Variants in CCBE1 observed in about 807,000 individuals in gnomAD.
CCBE1 encodes collagen and calcium binding EGF domains 1.
In CCBE1, 37 loss-of-function variants were observed where a neutral mutation model predicts 50.0. That is an observed-to-expected ratio of 0.74 (90% CI 0.57 to 0.97). The LOEUF (loss-of-function observed/expected upper bound fraction) is 0.97, where lower values mean the gene tolerates loss of function less well. CCBE1 is among the 50% of genes least tolerant of loss of function. CCBE1 has a pLI of 0.00. For missense variants in CCBE1, 538 were observed against 523.8 expected (o/e 1.03, Z -0.26); for synonymous variants, 234 against 203.7 (o/e 1.15, Z -1.27).
chr18:59,566,463 A>T (rs1483807820), intron 2 of CCBE1, among the ~76,000 whole-genome samples: 1 of 152,188 alleles, frequency 6.6e-6, no homozygotes, highest in Non-Finnish European at 1.5e-5. Context: ...ATTAAAAGTC[A>T]ACCTAAGATG....
At chr18:59,632,445 T>C (rs896389572) in intron 2 of CCBE1, among the ~76,000 whole-genome samples, 6 of 152,158 alleles carry the variant, frequency 3.9e-5, no homozygotes, top group Admixed American at 6.5e-5. Flanking sequence ...GGCTAATTTT[T>C]GTATTTTTAG....
At chr18:59,483,074 T>A (rs1912653776) in intron 2 of CCBE1, among the ~76,000 whole-genome samples, 1 of 152,118 alleles carries the variant, frequency 6.6e-6, no homozygotes, top group Non-Finnish European at 1.5e-5. Flanking sequence ...GAACACACCA[T>A]TTACACATCA....
chr18:59,494,565 C>A (rs1053615910), intron 2 of CCBE1, among the ~76,000 whole-genome samples: 2 of 151,148 alleles, frequency 1.3e-5, no homozygotes, highest in East Asian at 3.9e-4. Flanking sequence ...GTAGGACTTC[C>A]TAACACACTG....
intron 2 of CCBE1, among the ~76,000 whole-genome samples, chr18:59,619,945 T>C (rs185968414): frequency 1.3e-5 from 2 of 152,138 alleles, no homozygotes; most frequent in African/African-American, 4.8e-5. Flanking sequence ...GACAAGCAGG[T>C]AGGGAATTCA....
At chr18:59,694,134 T>A (rs990529542) in intron 2 of CCBE1, among the ~76,000 whole-genome samples, 1 of 152,048 alleles carries the variant, frequency 6.6e-6, no homozygotes, top group Non-Finnish European at 1.5e-5. Flanking sequence ...CCTCCCAAAG[T>A]GCTGGGATTA....
At chr18:59,561,218 C>G (rs1469488) in intron 2 of CCBE1, among the ~76,000 whole-genome samples, 4 of 152,158 alleles carry the variant, frequency 2.6e-5, no homozygotes, top group Non-Finnish European at 5.9e-5. Context: ...ATGTAATGGG[C>G]CTGTGTACCC....
rs557764507 is a variant in CCBE1, at chr18:59,484,420, C to G, written c.213-4182G>C. 3.2e-3 allele frequency among the ~76,000 whole-genome samples: 489 copies of G among 152,294 alleles called. 2 individuals are homozygous for G. The highest frequency in any genetic ancestry group is 0.01 in the Middle Eastern group (3 of 294). On this transcript the variant is annotated intron_variant, in intron 2 of 10. Transcript: ENST00000439986. ...ATACAACCTCTGAGCTGTTTGATGG[C>G]GTTTTAAAGTTCATGCAAATCAATA...
At chr18:59,444,605 C>T (rs1910591272) in intron 7 of CCBE1, among the ~76,000 whole-genome samples, 1 of 151,914 alleles carries the variant, frequency 6.6e-6, no homozygotes, top group Non-Finnish European at 1.5e-5. Flanking sequence ...TAGCCTCGAC[C>T]TCCTGGGCTT....
chr18:59,450,219 G>C (rs779508273), intron 6 of CCBE1, among the ~76,000 whole-genome samples: 6 of 152,198 alleles, frequency 3.9e-5, no homozygotes, highest in Admixed American at 6.5e-5. Flanking sequence ...GAATCCGTGA[G>C]ATGCATCTTG....
intron 2 of CCBE1, among the ~76,000 whole-genome samples, chr18:59,517,965 T>C (rs1052218954): frequency 5.3e-5 from 8 of 152,196 alleles, no homozygotes; most frequent in African/African-American, 1.9e-4. Context: ...CTGTCTCCTA[T>C]GTCACTGTCC....
At chr18:59,478,304 G>C (rs1041084337) in intron 3 of CCBE1, among the ~76,000 whole-genome samples, 2 of 152,012 alleles carry the variant, frequency 1.3e-5, no homozygotes, top group Non-Finnish European at 2.9e-5. Context: ...AATCAAAATT[G>C]GTTCTATTTC....
intron 2 of CCBE1, among the ~76,000 whole-genome samples, chr18:59,680,658 C>A (rs2054576979): frequency 6.6e-6 from 1 of 151,242 alleles, no homozygotes. Context: ...AGATTGCTGC[C>A]ACTGCACTCC....
intron 2 of CCBE1, among the ~76,000 whole-genome samples, chr18:59,542,925 C>G (rs1488661202): frequency 6.6e-6 from 1 of 152,222 alleles, no homozygotes. Context: ...TCGAACCCCA[C>G]TAGGGATGAA....
At chr18:59,515,763 G>T (rs953089249) in intron 2 of CCBE1, among the ~76,000 whole-genome samples, 1 of 152,242 alleles carries the variant, frequency 6.6e-6, no homozygotes, top group South Asian at 2.1e-4. Context: ...AGGCTACCTT[G>T]GTTCATTTCC....
At chr18:59,501,304 C>T (rs1913610711) in intron 2 of CCBE1, among the ~76,000 whole-genome samples, 2 of 152,164 alleles carry the variant, frequency 1.3e-5, no homozygotes, top group Admixed American at 6.5e-5. Flanking sequence ...TTTTACTTAC[C>T]CCCATGGCTT....
intron 2 of CCBE1, among the ~76,000 whole-genome samples, chr18:59,514,519 C>T (rs1052204083): frequency 6.6e-6 from 1 of 152,024 alleles, no homozygotes; most frequent in Non-Finnish European, 1.5e-5. Context: ...GGCCCAGACT[C>T]CGAGGTTGGA....
chr18:59,637,371 T>C (rs1380585863), intron 2 of CCBE1, among the ~76,000 whole-genome samples: 1 of 152,156 alleles, frequency 6.6e-6, no homozygotes, highest in African/African-American at 2.4e-5. Flanking sequence ...AGAAGAAAAG[T>C]GATAAACCAT....
intron 2 of CCBE1, among the ~76,000 whole-genome samples, chr18:59,678,755 A>G (rs1019933886): frequency 1.3e-5 from 2 of 152,134 alleles, no homozygotes; most frequent in African/African-American, 4.8e-5. Context: ...CTGGTCTCAA[A>G]TTCCCGACCT....
rs147681552 is a variant in CCBE1 at position 59,439,723 on chromosome 18, G to A, written c.869C>T (p.Pro290Leu). 767 of 1,614,222 alleles carry A rather than the reference G, an allele frequency of 4.8e-4. No homozygotes were observed. Among genetic ancestry groups the A allele is most frequent in the Non-Finnish European group, 5.6e-4 (665 of 1,180,020 alleles). Residue 290 changes from proline (P) to leucine (L), a missense_variant, in exon 8 of 11, where the codon CCA (proline) becomes CTA (leucine). By Grantham distance (98) the Pro-to-Leu change is moderately conservative. Transcript: ENST00000439986. ...GPRGSMGPMG[P>L]SPDLSHIKQG... ...CTTAATGTGGGACAGATCAGGAGAT[G>A]GTCCCATGGGTCCCATTGAGCCCCG...
Sources: allele counts gnomAD v4.1 joint callset (sites outside exome capture counted in the v4.1 genomes callset), GRCh38; gene constraint gnomAD v4.1.1; transcripts MANE v1.5; gene names NCBI Gene and HGNC (gene_info 2026-07-23, HGNC 2026-07-21).